The following PLCE1 variants were observed in gnomAD, a reference collection of about 807,000 sequenced individuals.
The protein encoded by PLCE1 is 1-phosphatidylinositol 4,5-bisphosphate phosphodiesterase epsilon-1.
A neutral mutation model predicts 242.8 loss-of-function variants in PLCE1; 119 were observed. The observed-to-expected ratio is 0.49, with a 90% confidence interval of 0.42 to 0.57. The LOEUF (loss-of-function observed/expected upper bound fraction) is 0.57, where lower values mean the gene tolerates loss of function less well. PLCE1 is among the 20% of genes least tolerant of loss of function. The probability of loss-of-function intolerance (pLI) is 0.00; values close to 1 mark genes in which losing one functional copy is unlikely to be tolerated. For synonymous variants in PLCE1, 945 were observed against 1,017.4 expected (o/e 0.93, Z 1.35); for missense variants, 2,441 against 2,788.8 (o/e 0.88, Z 2.81).
chr10:94,089,116 G>A, intron 2 of PLCE1: 2 of 1,613,930 alleles, frequency 1.2e-6, no homozygotes, highest in Non-Finnish European at 1.7e-6. Context: ...AGGAAGTGCA[G>A]CAGGAAGAGA....
At chr10:94,006,771 C>G (rs1337396300) in intron 1 of PLCE1, among the ~76,000 whole-genome samples, 1 of 152,170 alleles carries the variant, frequency 6.6e-6, no homozygotes, top group African/African-American at 2.4e-5. Flanking sequence ...GCAAATGACT[C>G]AAAGCTGGGA....
chr10:94,178,075 C>T (rs7082818), intron 4 of PLCE1, among the ~76,000 whole-genome samples: 99,814 of 152,066 alleles, frequency 0.66, 36,076 homozygotes, highest in Non-Finnish European at 0.8. Context: ...ATTGCATCTA[C>T]AGCTGGTCCT....
chr10:94,287,079 C>T (rs1054655133), intron 22 of PLCE1: 2 of 152,176 alleles, frequency 1.3e-5, no homozygotes, highest in Admixed American at 6.5e-5. Context: ...AGTAGAGAAT[C>T]GTGGAAGATC....
At chr10:94,210,043 C>T (rs969344303) in intron 4 of PLCE1, among the ~76,000 whole-genome samples, 7 of 152,018 alleles carry the variant, frequency 4.6e-5, no homozygotes, top group South Asian at 2.1e-4. Flanking sequence ...GCCTACCCTA[C>T]GCATCTAGTA....
At chr10:94,196,886 G>A (rs940638848) in intron 4 of PLCE1, among the ~76,000 whole-genome samples, 9 of 152,030 alleles carry the variant, frequency 5.9e-5, no homozygotes, top group Non-Finnish European at 1.5e-5. Flanking sequence ...CAGGTCAGTG[G>A]CTTTTTTCAT....
intron 14 of PLCE1, among the ~76,000 whole-genome samples, chr10:94,264,550 C>G (rs2133049743): frequency 9.5e-6 from 1 of 105,204 alleles, no homozygotes; most frequent in Non-Finnish European, 1.7e-5. Context: ...GAGACAGAGT[C>G]TTGCTCTGTC....
chr10:94,082,385 G>A (rs531010949), intron 2 of PLCE1, among the ~76,000 whole-genome samples: 6 of 152,300 alleles, frequency 3.9e-5, no homozygotes, highest in African/African-American at 1.2e-4. Flanking sequence ...CAGTGGGCAC[G>A]AGATGAAAAT....
chr10:94,045,335 G>A (rs950060081), intron 2 of PLCE1, among the ~76,000 whole-genome samples: 72 of 152,110 alleles, frequency 4.7e-4, no homozygotes, highest in African/African-American at 1.7e-3. Context: ...AGGGTCTCAC[G>A]TTGTTGCCCA....
At chr10:94,212,032 C>T (rs1459717631) in intron 4 of PLCE1, among the ~76,000 whole-genome samples, 2 of 152,144 alleles carry the variant, frequency 1.3e-5, no homozygotes, top group East Asian at 1.9e-4. Context: ...AAAGGTTTAT[C>T]GTGCATATTA....
chr10:94,153,286 A>G (rs547061100), intron 3 of PLCE1, among the ~76,000 whole-genome samples: 1 of 152,322 alleles, frequency 6.6e-6, no homozygotes, highest in African/African-American at 2.4e-5. Flanking sequence ...AATCAATGCA[A>G]TATATCATAT....
At chr10:94,133,522 G>T (rs908945408) in intron 3 of PLCE1, among the ~76,000 whole-genome samples, 4 of 152,214 alleles carry the variant, frequency 2.6e-5, no homozygotes, top group Non-Finnish European at 5.9e-5. Context: ...AGCAGCTATT[G>T]TCCCTCCATA....
chr10:94,189,684 A>G (rs1310237452), intron 4 of PLCE1, among the ~76,000 whole-genome samples: 1 of 152,194 alleles, frequency 6.6e-6, no homozygotes, highest in East Asian at 1.9e-4. Context: ...AATGGCTCCC[A>G]GATGCCTAGA....
In PLCE1 at chr10:93,997,119, TACTC is replaced by T. The variant is rs2060840070; in HGVS notation, c.-365+2863_-365+2866del. 3.9e-5 allele frequency among the ~76,000 whole-genome samples: 6 copies of T among 152,338 alleles called. No individual in the cohort carries two copies. The South Asian group carries it at 1.0e-3, about 26-fold the overall frequency. On this transcript the variant is annotated intron_variant, in intron 1 of 32. Coordinates refer to ENST00000371380, the MANE Select transcript of PLCE1 (RefSeq NM_016341.4). The stretch of plus-strand genomic sequence containing the variant: ...ATTAACGCATTTAATTTTTATATAT[TACTC>T]AGTCAATGTGAGAGATCTTATCCTT...
chr10:94,216,177 G>A (rs896793891), intron 4 of PLCE1, among the ~76,000 whole-genome samples: 2 of 152,218 alleles, frequency 1.3e-5, no homozygotes, highest in African/African-American at 4.8e-5. Flanking sequence ...AGTAGACTCT[G>A]TAAAAGCATT....
chr10:94,084,755 A>G (rs990007814), intron 2 of PLCE1, among the ~76,000 whole-genome samples: 4 of 152,230 alleles, frequency 2.6e-5, no homozygotes, highest in African/African-American at 7.2e-5. Flanking sequence ...GACAATGCCA[A>G]TGATACACCT....
chr10:94,297,590 T>TAAA (rs71031568), intron 23 of PLCE1, among the ~76,000 whole-genome samples: 37 of 56,554 alleles, frequency 6.5e-4, no homozygotes, highest in East Asian at 1.7e-3. Flanking sequence ...TTTAAATTTG[T>TAAA]AAAAAAAAAA....
intron 2 of PLCE1, among the ~76,000 whole-genome samples, chr10:94,079,671 G>T (rs933042756): frequency 6.6e-6 from 1 of 152,202 alleles, no homozygotes; most frequent in African/African-American, 2.4e-5. Flanking sequence ...AGCAGAGCCA[G>T]TTCAAGAACC....
chr10:94,049,120 T>G (rs1420753928), intron 2 of PLCE1, among the ~76,000 whole-genome samples: 1 of 152,134 alleles, frequency 6.6e-6, no homozygotes, highest in African/African-American at 2.4e-5. Flanking sequence ...TACTTTCTCC[T>G]ATATTTTAAT....
chr10:94,222,762 C>T (rs775205192), intron 4 of PLCE1, among the ~76,000 whole-genome samples: 1 of 152,194 alleles, frequency 6.6e-6, no homozygotes. Context: ...CCACACATCA[C>T]CCCCACCCCC....
Sources: allele counts gnomAD v4.1 joint callset (sites outside exome capture counted in the v4.1 genomes callset), GRCh38; gene constraint gnomAD v4.1.1; transcripts MANE v1.5; gene names NCBI Gene and HGNC (gene_info 2026-07-23, HGNC 2026-07-21).